Variants in AP1G1 observed in about 807,000 individuals in gnomAD.
AP1G1 encodes the protein adaptor related protein complex 1 subunit gamma 1.
In AP1G1, 7 loss-of-function variants were observed where a neutral mutation model predicts 108.3. The ratio of observed to expected loss-of-function variants is 0.06; its 90% CI spans 0.04 to 0.12. The LOEUF (loss-of-function observed/expected upper bound fraction) is 0.12. Among genes scored for constraint, AP1G1 ranks in the 10% least tolerant of loss-of-function variants. The probability of loss-of-function intolerance (pLI) is 1.00; values close to 1 mark genes in which losing one functional copy is unlikely to be tolerated. For synonymous variants in AP1G1, 379 were observed against 353.5 expected (o/e 1.07, Z -0.81); for missense variants, 756 against 1,010.7 (o/e 0.75, Z 3.42).
At chr16:71,739,419 T>A (rs2045589867) in intron 19 of AP1G1, 78 bp from the exon 20 acceptor site, 1 of 1,178,296 alleles carries the variant, frequency 8.5e-7, no homozygotes, top group Non-Finnish European at 1.2e-6. Flanking sequence ...GGAAAATTAT[T>A]TCGGTCTCAG....
intron 1 of AP1G1, among the ~76,000 whole-genome samples, chr16:71,806,030 AT>A (rs944569902): frequency 8.9e-4 from 33 of 37,226 alleles, no homozygotes; most frequent in African/African-American, 2.6e-3. Context: ...AATAAAAATA[AT>A]AAAAAAAAAA....
intron 21 of AP1G1, among the ~76,000 whole-genome samples, chr16:71,738,630 A>C (rs1489234802): frequency 6.6e-6 from 1 of 152,182 alleles, no homozygotes; most frequent in Admixed American, 6.5e-5. Context: ...TTAACACTGT[A>C]TTACTAAAGC....
At chr16:71,750,364 AAC>A in intron 13 of AP1G1, 32 bp from the exon 14 acceptor site, 1 of 1,611,180 alleles carries the variant, frequency 6.2e-7, no homozygotes, top group Non-Finnish European at 8.5e-7. Flanking sequence ...TACCCCTAGA[AAC>A]ACACAGAAAT....
At chr16:71,799,279 C>T (rs2032698153) in intron 1 of AP1G1, among the ~76,000 whole-genome samples, 1 of 152,032 alleles carries the variant, frequency 6.6e-6, no homozygotes, top group Non-Finnish European at 1.5e-5. Flanking sequence ...TCTGTTAACC[C>T]AGAATTCCCC....
Position 71,756,105 on chromosome 16 carries a change from C to A in AP1G1, c.1143G>T (p.Met381Ile), listed in dbSNP as rs754421272. ...CCAGAAAATAAAGTAATTCTTTCAT[C>A]ATGCCTCGGATATTATTCCCATTTA... ...ALVNGNNIRG[M>I]MKELLYFLDS... The change falls in exon 12 of 23, where the codon ATG (methionine) becomes ATT (isoleucine). Residue 381 changes from methionine (M) to isoleucine (I), a missense_variant. Transcript: ENST00000299980. 6.2e-7 allele frequency: 1 copy of A among 1,613,738 alleles called. No homozygotes were observed. Among genetic ancestry groups the A allele is most frequent in the Non-Finnish European group, 8.5e-7 (1 of 1,179,782 alleles).
intron 2 of AP1G1, among the ~76,000 whole-genome samples, chr16:71,782,041 C>G (rs951529233): frequency 6.6e-6 from 1 of 152,184 alleles, no homozygotes; most frequent in Non-Finnish European, 1.5e-5. Context: ...TGATTAGATT[C>G]TAATTCATTC....
intron 9 of AP1G1, among the ~76,000 whole-genome samples, chr16:71,761,792 G>C (rs1311285527): frequency 1.5e-5 from 2 of 130,628 alleles, no homozygotes; most frequent in Non-Finnish European, 3.1e-5. Context: ...ATTCCAGTCG[G>C]AGCAACAGAG....
intron 13 of AP1G1, among the ~76,000 whole-genome samples, chr16:71,752,858 GA>G (rs781430952): frequency 1.3e-5 from 2 of 152,016 alleles, no homozygotes; most frequent in Admixed American, 1.3e-4. Flanking sequence ...TCTTTAATAA[GA>G]AAATTTTTTC....
chr16:71,750,931 T>A (rs1336977327), intron 13 of AP1G1, among the ~76,000 whole-genome samples: 2 of 149,644 alleles, frequency 1.3e-5, no homozygotes, highest in East Asian at 4.0e-4. Context: ...CCAAGGCGGG[T>A]GGATCACAAG....
intron 6 of AP1G1, among the ~76,000 whole-genome samples, chr16:71,767,386 C>G (rs569737669): frequency 6.6e-6 from 1 of 152,170 alleles, no homozygotes; most frequent in East Asian, 1.9e-4. Context: ...TTTAATATTC[C>G]AAAACTTCTA....
chr16:71,801,302 A>G (rs2032790978), intron 1 of AP1G1, among the ~76,000 whole-genome samples: 1 of 150,460 alleles, frequency 6.6e-6, no homozygotes, highest in Admixed American at 6.7e-5. Context: ...CAAACAAAAA[A>G]AAAGAATTAT....
At chr16:71,801,141 T>TA (rs2032783244) in intron 1 of AP1G1, among the ~76,000 whole-genome samples, 1 of 152,112 alleles carries the variant, frequency 6.6e-6, no homozygotes, top group Non-Finnish European at 1.5e-5. Context: ...ACCTCATCTC[T>TA]ACTAAAAATA....
chr16:71,753,674 T>C (rs902814886), intron 13 of AP1G1, 159 bp downstream of exon 13: 6 of 700,222 alleles, frequency 8.6e-6, no homozygotes, highest in South Asian at 1.7e-5. Context: ...TATTCCTCCA[T>C]GCTGCTTTAG....
At chr16:71,802,900 C>A (rs151315483) in intron 1 of AP1G1, among the ~76,000 whole-genome samples, 53 of 152,190 alleles carry the variant, frequency 3.5e-4, no homozygotes, top group African/African-American at 1.0e-3. Flanking sequence ...CACGTAACAT[C>A]TTTACATATC....
rs933469233 is a variant in AP1G1 at position 71,729,653 on chromosome 16, G to T, written c.*3405C>A. 6.6e-6 allele frequency: 1 copy of T among 152,516 alleles called. No individual in the cohort carries two copies. The highest frequency in any genetic ancestry group is 6.5e-5 in the Admixed American group (1 of 15,270). 9.4% of individuals were successfully genotyped at this position (152,516 alleles called of 1,614,324 possible). A position where few individuals can be genotyped will look rare whatever the true frequency, so the allele number is the denominator to read the frequency against. On this transcript the variant is annotated 3_prime_UTR_variant, in exon 23 of 23. Transcript: ENST00000299980. ...AGCCCCACTCTCCCGAGCCAAAGCT[G>T]GTCAAAAGTGTTTTAAACTTCAGGA...
At chr16:71,741,903 A>G (rs966152589) in intron 19 of AP1G1, among the ~76,000 whole-genome samples, 10 of 152,348 alleles carry the variant, frequency 6.6e-5, no homozygotes, top group Non-Finnish European at 1.3e-4. Flanking sequence ...GTAAAAGTAT[A>G]GCAAGGTAGT....
At chr16:71,795,343 A>G (rs1271920917) in intron 1 of AP1G1, among the ~76,000 whole-genome samples, 1 of 152,216 alleles carries the variant, frequency 6.6e-6, no homozygotes, top group African/African-American at 2.4e-5. Context: ...CTATCCAACA[A>G]AGATTGTACT....
At chr16:71,792,904 ACACC>A (rs2032457327) in intron 1 of AP1G1, among the ~76,000 whole-genome samples, 1 of 151,934 alleles carries the variant, frequency 6.6e-6, no homozygotes, top group Non-Finnish European at 1.5e-5. Flanking sequence ...ACGGTGGCTC[ACACC>A]TGCAATCACA....
At chr16:71,733,646 G>A (rs955858556) in intron 22 of AP1G1, among the ~76,000 whole-genome samples, 1 of 152,118 alleles carries the variant, frequency 6.6e-6, no homozygotes, top group African/African-American at 2.4e-5. Context: ...CATTACAGGC[G>A]TGAGCCACCA....
Sources: gnomAD v4.1 joint callset for allele counts (sites outside exome capture counted in the v4.1 genomes callset) on GRCh38, gnomAD v4.1.1 for gene constraint, MANE v1.5 for transcripts, NCBI Gene and HGNC (gene_info 2026-07-23, HGNC 2026-07-21) for gene names.